The following NRIP1 variants were observed in gnomAD, a reference collection of about 807,000 sequenced individuals.
The protein encoded by NRIP1 is nuclear receptor-interacting protein 1.
Under a neutral mutation model 75.0 loss-of-function variants are expected in NRIP1, and 28 were observed. That is an observed-to-expected ratio of 0.37 (90% CI 0.28 to 0.51). The LOEUF (loss-of-function observed/expected upper bound fraction) is 0.51. Among genes scored for constraint, NRIP1 ranks in the 20% least tolerant of loss-of-function variants. The pLI, the probability that NRIP1 is intolerant of heterozygous loss-of-function variation, is 0.92. For synonymous variants in NRIP1, 526 were observed against 487.6 expected (o/e 1.08, Z -1.04); for missense variants, 1,435 against 1,343.7 (o/e 1.07, Z -1.06).
chr21:15,037,719 C>CTT (rs1309175043), intron 2 of NRIP1, among the ~76,000 whole-genome samples: 1 of 152,024 alleles, frequency 6.6e-6, no homozygotes, highest in Non-Finnish European at 1.5e-5. Flanking sequence ...AAGAAATGTG[C>CTT]AATTAACATG....
intron 1 of NRIP1, among the ~76,000 whole-genome samples, chr21:15,055,581 C>T (rs969077389): frequency 1.2e-4 from 18 of 152,286 alleles, no homozygotes; most frequent in African/African-American, 3.6e-4. Context: ...AGACCCAGTT[C>T]TTATTATTAT....
At chr21:15,049,584 A>G (rs1484971142) in intron 1 of NRIP1, among the ~76,000 whole-genome samples, 1 of 152,140 alleles carries the variant, frequency 6.6e-6, no homozygotes, top group Non-Finnish European at 1.5e-5. Context: ...TTAAATGTTT[A>G]TAATATTAGT....
intron 3 of NRIP1, among the ~76,000 whole-genome samples, chr21:15,006,885 T>G (rs140289354): frequency 4.6e-5 from 7 of 152,268 alleles, no homozygotes; most frequent in African/African-American, 1.2e-4. Flanking sequence ...ATGTAAAAAG[T>G]GCTCTAGGAA....
intron 3 of NRIP1, among the ~76,000 whole-genome samples, chr21:14,979,289 T>A (rs1358236979): frequency 6.6e-6 from 1 of 152,226 alleles, no homozygotes. Flanking sequence ...ATAAGAAATG[T>A]AATGGAAAAT....
chr21:15,029,084 T>C (rs2088585506), intron 2 of NRIP1, among the ~76,000 whole-genome samples: 1 of 152,202 alleles, frequency 6.6e-6, no homozygotes, highest in African/African-American at 2.4e-5. Context: ...CAGCTACTTC[T>C]TACTGTCCCC....
chr21:15,058,806 C>G (rs1006296937), intron 1 of NRIP1, among the ~76,000 whole-genome samples: 2 of 152,122 alleles, frequency 1.3e-5, no homozygotes, highest in Non-Finnish European at 2.9e-5. Flanking sequence ...AAACATGTAA[C>G]TATAAGGAAA....
chr21:15,055,839 G>GT (rs1292608449), intron 1 of NRIP1, among the ~76,000 whole-genome samples: 1 of 152,080 alleles, frequency 6.6e-6, no homozygotes, highest in Non-Finnish European at 1.5e-5. Context: ...AATGCAGATA[G>GT]TAACTGTTTT....
intron 2 of NRIP1, among the ~76,000 whole-genome samples, chr21:15,041,091 G>A (rs2147313323): frequency 6.6e-6 from 1 of 152,020 alleles, no homozygotes; most frequent in African/African-American, 2.4e-5. Flanking sequence ...AAACTCGAAA[G>A]AAAACTAAAT....
intron 3 of NRIP1, among the ~76,000 whole-genome samples, chr21:14,993,374 G>T (rs527239701): frequency 2.0e-5 from 3 of 152,232 alleles, no homozygotes; most frequent in Admixed American, 6.5e-5. Flanking sequence ...GTACGAGTCA[G>T]ATTTTCCACA....
chr21:14,982,527 C>G (rs775110053), intron 3 of NRIP1, among the ~76,000 whole-genome samples: 1 of 152,138 alleles, frequency 6.6e-6, no homozygotes, highest in African/African-American at 2.4e-5. Context: ...CAGCTGACAA[C>G]TCATCCTCTC....
intron 3 of NRIP1, among the ~76,000 whole-genome samples, chr21:15,008,285 G>A (rs1446741283): frequency 6.6e-6 from 1 of 152,178 alleles, no homozygotes; most frequent in Non-Finnish European, 1.5e-5. Flanking sequence ...TCACACAAAG[G>A]AGAGAAGGAA....
At position 14,966,118 on chromosome 21, in the gene NRIP1, G is replaced by A. The variant is rs746277479; in HGVS notation, c.2075C>T (p.Thr692Ile). 3 of 1,612,518 alleles carry A rather than the reference G, an allele frequency of 1.9e-6. No individual in the cohort carries two copies. The South Asian group carries it at 3.3e-5, about 18-fold the overall frequency. Residue 692 changes from threonine to isoleucine, a missense_variant, in exon 4 of 4, where the codon ACA (threonine) becomes ATA (isoleucine). By Grantham distance (89) the Thr-to-Ile change is moderately conservative. Transcript: ENST00000318948. ...ACCAGAAAGCCCTGGTTCAGGACCT[G>A]TTGGTTGACTACTAAATGCTTTATT... ...EENKAFSSQP[T>I]GPEPGLSGSE...
chr21:15,023,893 T>C (rs528188002), intron 2 of NRIP1, among the ~76,000 whole-genome samples: 111 of 152,320 alleles, frequency 7.3e-4, no homozygotes, highest in African/African-American at 2.5e-3. Flanking sequence ...GAGAAAATAT[T>C]TGACAAAAGT....
intron 3 of NRIP1, among the ~76,000 whole-genome samples, chr21:14,999,841 G>T (rs1301522383): frequency 6.6e-6 from 1 of 152,130 alleles, no homozygotes; most frequent in African/African-American, 2.4e-5. Context: ...TAAATTAATA[G>T]CCATAATAAC....
intron 3 of NRIP1, among the ~76,000 whole-genome samples, chr21:14,986,918 G>A (rs2087420939): frequency 6.6e-6 from 1 of 152,144 alleles, no homozygotes; most frequent in Non-Finnish European, 1.5e-5. Flanking sequence ...TTTCATAATA[G>A]CATGGCATGT....
intron 1 of NRIP1, among the ~76,000 whole-genome samples, chr21:15,047,531 C>A (rs1041076160): frequency 9.2e-5 from 14 of 152,174 alleles, no homozygotes; most frequent in African/African-American, 3.1e-4. Context: ...CAGAGCGAGA[C>A]TTCTTCTCAG....
intron 1 of NRIP1, chr21:15,050,738 G>A (rs1377311441): frequency 2.2e-6 from 1 of 455,908 alleles, no homozygotes; most frequent in Non-Finnish European, 4.4e-6. Context: ...TTCTGGCTGG[G>A]AAGAGATTGC....
chr21:15,025,232 G>A (rs1275392499), intron 2 of NRIP1, among the ~76,000 whole-genome samples: 1 of 152,066 alleles, frequency 6.6e-6, no homozygotes, highest in Non-Finnish European at 1.5e-5. Flanking sequence ...CATACAGGGA[G>A]AATGATCAAA....
At chr21:15,012,955 G>C (rs2088144269) in intron 3 of NRIP1, among the ~76,000 whole-genome samples, 1 of 152,058 alleles carries the variant, frequency 6.6e-6, no homozygotes. Context: ...ATTATATCTT[G>C]TGGCGGGGCG....
Sources: gnomAD v4.1 joint callset for allele counts (sites outside exome capture counted in the v4.1 genomes callset) on GRCh38, gnomAD v4.1.1 for gene constraint, MANE v1.5 for transcripts, NCBI Gene and HGNC (gene_info 2026-07-23, HGNC 2026-07-21) for gene names.